PHACTR1: variants seen among roughly 807,000 people sequenced by gnomAD.
The protein encoded by PHACTR1 is RPEL repeat containing 1.
In PHACTR1, 16 loss-of-function variants were observed where a neutral mutation model predicts 69.2. That is an observed-to-expected ratio of 0.23 (90% confidence interval 0.16 to 0.35). PHACTR1 has a LOEUF of 0.35. PHACTR1 is among the 10% of genes least tolerant of loss of function. PHACTR1 has a pLI of 1.00. For missense variants in PHACTR1, 510 were observed against 734.7 expected, an observed-to-expected ratio of 0.69 and a Z score of 3.54; for synonymous variants, 312 against 284.5, an observed-to-expected ratio of 1.10 and a Z score of -0.97.
chr6:12,806,010 A>C (rs1445423113), intron 4 of PHACTR1, among the ~76,000 whole-genome samples: 1 of 151,956 alleles, frequency 6.6e-6, no homozygotes, highest in Non-Finnish European at 1.5e-5. Flanking sequence ...TTATTCTCCC[A>C]CTTCCCAAAT....
intron 4 of PHACTR1, among the ~76,000 whole-genome samples, chr6:12,928,444 T>C (rs1788509944): frequency 6.6e-6 from 1 of 152,156 alleles, no homozygotes; most frequent in Admixed American, 6.5e-5. Context: ...TAGGGCATGA[T>C]GGGATTTGTC....
rs534961184 is a variant in PHACTR1, at chr6:13,052,551, G to GT, written c.251-811dup. Among the ~76,000 whole-genome samples, 4 of 152,310 alleles carry GT rather than the reference G, an allele frequency of 2.6e-5. 1 individual carries two copies. The South Asian group carries it at 8.3e-4, about 32-fold the overall frequency. ...TTGGAATCTGTAAATATGGAAAAGA[G>GT]TTTGTTTTATTTCATGTGGTAAAAA... On this transcript the variant is annotated intron_variant, in intron 4 of 14. Transcript: ENST00000332995.
At chr6:13,027,825 G>A (rs367599329) in intron 4 of PHACTR1, among the ~76,000 whole-genome samples, 4 of 152,058 alleles carry the variant, frequency 2.6e-5, no homozygotes, top group Non-Finnish European at 2.9e-5. Flanking sequence ...ACAGGCATGC[G>A]CCACCACACC....
At chr6:12,937,473 G>A (rs1789591121) in intron 4 of PHACTR1, among the ~76,000 whole-genome samples, 2 of 152,058 alleles carry the variant, frequency 1.3e-5, no homozygotes, top group African/African-American at 2.4e-5. Flanking sequence ...CTCTGATTGA[G>A]TGAATTTTAT....
chr6:12,856,253 TTC>T (rs1491067669), intron 4 of PHACTR1, among the ~76,000 whole-genome samples: 1 of 92,566 alleles, frequency 1.1e-5, no homozygotes. Context: ...CTTTCTTTCT[TTC>T]TTTTTTTTTT....
chr6:12,859,987 T>TTCATCATCATCATCA (rs71552721), intron 4 of PHACTR1, among the ~76,000 whole-genome samples: 16 of 150,436 alleles, frequency 1.1e-4, no homozygotes, highest in African/African-American at 3.7e-4. Context: ...GAAGGACATC[T>TTCATCATCATCATCA]TCATCATCAT....
chr6:12,892,989 T>A (rs1281347213), intron 4 of PHACTR1, among the ~76,000 whole-genome samples: 2 of 151,894 alleles, frequency 1.3e-5, no homozygotes, highest in African/African-American at 4.8e-5. Flanking sequence ...GATAGAGACC[T>A]CCAGAGAAGG....
At chr6:12,967,299 C>T (rs1793620302) in intron 4 of PHACTR1, among the ~76,000 whole-genome samples, 1 of 152,208 alleles carries the variant, frequency 6.6e-6, no homozygotes, top group African/African-American at 2.4e-5. Flanking sequence ...TTTCTGACCA[C>T]ATGGAAGGTG....
intron 4 of PHACTR1, among the ~76,000 whole-genome samples, chr6:12,994,507 A>G (rs1459137034): frequency 2.0e-5 from 3 of 152,224 alleles, no homozygotes; most frequent in Non-Finnish European, 4.4e-5. Context: ...TTAAGTGATT[A>G]CTAACTCCAG....
chr6:13,035,944 T>C (rs781601934), intron 4 of PHACTR1, among the ~76,000 whole-genome samples: 1 of 152,220 alleles, frequency 6.6e-6, no homozygotes, highest in Non-Finnish European at 1.5e-5. Flanking sequence ...AATGATGATA[T>C]ATACTTTTCA....
chr6:13,110,899 G>T (rs1816929809), intron 5 of PHACTR1, among the ~76,000 whole-genome samples: 1 of 152,134 alleles, frequency 6.6e-6, no homozygotes, highest in East Asian at 1.9e-4. Flanking sequence ...GCAGAGTTTT[G>T]TGCCCTGGGT....
intron 3 of PHACTR1, among the ~76,000 whole-genome samples, chr6:12,742,468 A>T (rs537233573): frequency 7.2e-5 from 11 of 152,090 alleles, no homozygotes; most frequent in Middle Eastern, 3.4e-3. Context: ...GTTCTGGTTG[A>T]CTTCTTTACC....
chr6:12,990,857 C>G (rs576780049), intron 4 of PHACTR1, among the ~76,000 whole-genome samples: 1 of 152,030 alleles, frequency 6.6e-6, no homozygotes, highest in Non-Finnish European at 1.5e-5. Flanking sequence ...TTCCCAGAGA[C>G]GACCGGGCTC....
chr6:12,890,067 A>T (rs1784029764), intron 4 of PHACTR1, among the ~76,000 whole-genome samples: 3 of 152,156 alleles, frequency 2.0e-5, no homozygotes, highest in Non-Finnish European at 4.4e-5. Flanking sequence ...AGCGAGGGCT[A>T]GTGAGCATTC....
At chr6:13,025,347 AAACTT>A (rs1227121360) in intron 4 of PHACTR1, among the ~76,000 whole-genome samples, 1 of 152,234 alleles carries the variant, frequency 6.6e-6, no homozygotes, top group African/African-American at 2.4e-5. Context: ...TGGAAAAAGA[AAACTT>A]AACAAGCATC....
At chr6:13,261,326 G>A (rs1775881654) in intron 10 of PHACTR1, among the ~76,000 whole-genome samples, 2 of 152,128 alleles carry the variant, frequency 1.3e-5, no homozygotes, top group African/African-American at 4.8e-5. Flanking sequence ...CCTAAGGAAA[G>A]AACCAAGAAA....
At chr6:12,718,656 C>T (rs912807908) in intron 2 of PHACTR1, 43 bp from the exon 3 acceptor site, 10 of 574,522 alleles carry the variant, frequency 1.7e-5, no homozygotes, top group Admixed American at 1.3e-4. Flanking sequence ...ACACTTTATA[C>T]TTGACGTCTA....
At chr6:13,190,764 G>A (rs1180008503) in intron 7 of PHACTR1, among the ~76,000 whole-genome samples, 1 of 124,558 alleles carries the variant, frequency 8.0e-6, no homozygotes, top group Non-Finnish European at 1.9e-5. Flanking sequence ...ACCTACCCAG[G>A]ACTTATTTGC....
At chr6:13,023,934 G>A (rs1437669169) in intron 4 of PHACTR1, among the ~76,000 whole-genome samples, 2 of 152,042 alleles carry the variant, frequency 1.3e-5, no homozygotes, top group Admixed American at 6.5e-5. Flanking sequence ...AAAATTAGCC[G>A]GGCATGGTGG....
Sources: gnomAD v4.1 joint callset for allele counts (sites outside exome capture counted in the v4.1 genomes callset) on GRCh38, gnomAD v4.1.1 for gene constraint, MANE v1.5 for transcripts, NCBI Gene and HGNC (gene_info 2026-07-23, HGNC 2026-07-21) for gene names.